DAB1: variants seen among roughly 807,000 people sequenced by gnomAD.
DAB1 encodes DAB adaptor protein 1, also known as disabled homolog 1.
DAB1 carries 15 observed loss-of-function variants against 64.6 expected under a neutral mutation model. That is an observed-to-expected ratio of 0.23 (90% CI 0.16 to 0.36). The LOEUF (loss-of-function observed/expected upper bound fraction) is 0.36, where lower values mean the gene tolerates loss of function less well. Ranked by LOEUF, DAB1 falls within the 10% of genes least tolerant of loss-of-function variation. The pLI is 1.00. For missense variants in DAB1, 596 were observed against 706.7 expected, an observed-to-expected ratio of 0.84 and a Z score of 1.78; for synonymous variants, 235 against 251.9, an observed-to-expected ratio of 0.93 and a Z score of 0.64.
chr1:58,092,862 C>T (rs1267332873), intron 5 of DAB1, among the ~76,000 whole-genome samples: 1 of 152,164 alleles, frequency 6.6e-6, no homozygotes, highest in Non-Finnish European at 1.5e-5. Context: ...GCTACCCTCA[C>T]CTAGATGAAG....
At chr1:58,196,044 G>T (rs1251588131) in intron 4 of DAB1, among the ~76,000 whole-genome samples, 3 of 152,150 alleles carry the variant, frequency 2.0e-5, no homozygotes, top group African/African-American at 7.2e-5. Context: ...TCTGGGCTCA[G>T]AGAAAAAGTA....
chr1:57,424,818 T>G (rs1404678234), upstream of DAB1, among the ~76,000 whole-genome samples: 1 of 152,086 alleles, frequency 6.6e-6, no homozygotes, highest in Non-Finnish European at 1.5e-5. Context: ...CAAGTTTCCG[T>G]CAGTCCTCAG....
At chr1:57,818,461 A>G (rs961362688) in intron 6 of DAB1, among the ~76,000 whole-genome samples, 4 of 152,190 alleles carry the variant, frequency 2.6e-5, no homozygotes, top group Non-Finnish European at 4.4e-5. Flanking sequence ...TCTTTGTTTT[A>G]TAAATGAAAT....
chr1:57,944,811 C>T (rs1371167850), intron 5 of DAB1, among the ~76,000 whole-genome samples: 1 of 152,252 alleles, frequency 6.6e-6, no homozygotes, highest in East Asian at 1.9e-4. Context: ...CTTGTTAGAA[C>T]ACCTCATTCA....
chr1:57,091,428 A>G (rs1418791294), intron 4 of DAB1, among the ~76,000 whole-genome samples: 1 of 152,120 alleles, frequency 6.6e-6, no homozygotes, highest in Non-Finnish European at 1.5e-5. Context: ...TATGTAATTT[A>G]TTTATTTCAT....
chr1:57,179,954 G>C (rs1322558007), intron 2 of DAB1, among the ~76,000 whole-genome samples: 1 of 152,050 alleles, frequency 6.6e-6, no homozygotes, highest in Non-Finnish European at 1.5e-5. Context: ...CCTTTTCTAT[G>C]TTCTTTTTGT....
At chr1:57,718,310 A>G (rs1278461049) in intron 6 of DAB1, among the ~76,000 whole-genome samples, 4 of 152,206 alleles carry the variant, frequency 2.6e-5, no homozygotes, top group Non-Finnish European at 5.9e-5. Context: ...TTAAAAATTA[A>G]TCAGAAAAAA....
intron 3 of DAB1, among the ~76,000 whole-genome samples, chr1:57,138,005 AT>A (rs1447645537): frequency 6.6e-6 from 1 of 152,116 alleles, no homozygotes; most frequent in East Asian, 1.9e-4. Flanking sequence ...ATTTTTTTGC[AT>A]GGTTAAGAGA....
At chr1:58,478,683 G>C (rs567426587) in intron 3 of DAB1, among the ~76,000 whole-genome samples, 19 of 152,204 alleles carry the variant, frequency 1.2e-4, no homozygotes, top group African/African-American at 4.3e-4. Flanking sequence ...AATGTGCAAA[G>C]CATTATAAGT....
At chr1:57,943,366 A>T (rs1645131314) in intron 5 of DAB1, among the ~76,000 whole-genome samples, 1 of 152,238 alleles carries the variant, frequency 6.6e-6, no homozygotes, top group Non-Finnish European at 1.5e-5. Flanking sequence ...GTCACAGCTG[A>T]ACCACTTTGT....
chr1:57,732,376 T>C lies in DAB1; in HGVS notation n.552-82711A>G, dbSNP rs1267469698. Among the ~76,000 whole-genome samples the C allele has an allele frequency of 3.3e-5, 5 of 152,128 alleles. No individual in the cohort carries two copies. In the East Asian group the frequency reaches 5.8e-4, roughly 18 times the overall value. ...CAGTCTAGTGCTGGACCAGGCACGG[T>C]AGGGAGAGACGGCTAAGTGTCAGGA... On this transcript the variant is annotated intron_variant and non_coding_transcript_variant, in intron 6 of 20. Coordinates refer to the DAB1 transcript ENST00000485760.
intron 4 of DAB1, among the ~76,000 whole-genome samples, chr1:58,186,178 G>T (rs1213066287): frequency 6.6e-6 from 1 of 152,138 alleles, no homozygotes; most frequent in Non-Finnish European, 1.5e-5. Flanking sequence ...AGCAGTGGGG[G>T]TCGAGTTCAT....
intron 2 of DAB1, among the ~76,000 whole-genome samples, chr1:57,193,757 G>A (rs1023037303): frequency 6.6e-6 from 1 of 152,046 alleles, no homozygotes; most frequent in African/African-American, 2.4e-5. Flanking sequence ...AACTAATTAG[G>A]TAATTAATGA....
intron 1 of DAB1, among the ~76,000 whole-genome samples, chr1:57,370,038 A>G (rs560761686): frequency 2.6e-5 from 4 of 152,260 alleles, no homozygotes; most frequent in African/African-American, 9.6e-5. Flanking sequence ...TGCAATGACC[A>G]TCACATTCCC....
At chr1:57,586,510 A>G (rs1280616343) in intron 7 of DAB1, among the ~76,000 whole-genome samples, 1 of 150,220 alleles carries the variant, frequency 6.7e-6, no homozygotes, top group African/African-American at 2.5e-5. Context: ...TTTTTTCTAT[A>G]ACAACACTCA....
At chr1:57,126,490 G>T (rs1657136544) in intron 4 of DAB1, among the ~76,000 whole-genome samples, 1 of 152,114 alleles carries the variant, frequency 6.6e-6, no homozygotes, top group African/African-American at 2.4e-5. Flanking sequence ...CCACAAAAAA[G>T]AGATAATACC....
At chr1:57,772,629 T>G (rs1042947720) in intron 6 of DAB1, among the ~76,000 whole-genome samples, 2 of 152,138 alleles carry the variant, frequency 1.3e-5, no homozygotes, top group African/African-American at 4.8e-5. Flanking sequence ...ACCTTTACAC[T>G]CCCACCAACA....
intron 3 of DAB1, among the ~76,000 whole-genome samples, chr1:58,441,075 C>G (rs1645003022): frequency 6.6e-6 from 1 of 152,138 alleles, no homozygotes; most frequent in African/African-American, 2.4e-5. Flanking sequence ...TCAAAGCTGC[C>G]CCCAGAAGAC....
chr1:58,084,752 G>C (rs1271230959), intron 5 of DAB1, among the ~76,000 whole-genome samples: 1 of 150,704 alleles, frequency 6.6e-6, no homozygotes, highest in Non-Finnish European at 1.5e-5. Context: ...CTACTTCAGA[G>C]GGGGAAAATT....
Sources: allele counts gnomAD v4.1 joint callset (sites outside exome capture counted in the v4.1 genomes callset), GRCh38; gene constraint gnomAD v4.1.1; transcripts MANE v1.5; gene names NCBI Gene and HGNC (gene_info 2026-07-23, HGNC 2026-07-21).